SMAD9: variants seen among roughly 807,000 people sequenced by gnomAD.
SMAD9 encodes SMAD family member 9, also known as MAD homolog 9.
SMAD9 carries 36 observed loss-of-function variants against 46.1 expected under a neutral mutation model. That is an observed-to-expected ratio of 0.78 (90% CI 0.60 to 1.03). SMAD9 has a LOEUF of 1.03. Among genes scored for constraint, SMAD9 ranks in the 50% least tolerant of loss-of-function variants. SMAD9 has a pLI of 0.00. For synonymous variants in SMAD9, 245 were observed against 237.1 expected (o/e 1.03, Z -0.31); for missense variants, 572 against 599.8 (o/e 0.95, Z 0.48).
chr13:36,916,093 A>G (rs1205051544), intron 1 of SMAD9, among the ~76,000 whole-genome samples: 1 of 152,228 alleles, frequency 6.6e-6, no homozygotes, highest in African/African-American at 2.4e-5. Flanking sequence ...TTACACATCC[A>G]ACGTGAACAA....
chr13:36,888,632 A>G (rs2058466869), intron 1 of SMAD9, among the ~76,000 whole-genome samples: 1 of 152,176 alleles, frequency 6.6e-6, no homozygotes, highest in Non-Finnish European at 1.5e-5. Flanking sequence ...TATCACTGCA[A>G]TCAACTCCCA....
At chr13:36,884,003 G>A (rs939299611) in intron 1 of SMAD9, among the ~76,000 whole-genome samples, 21 of 152,234 alleles carry the variant, frequency 1.4e-4, no homozygotes, top group African/African-American at 5.1e-4. Flanking sequence ...CTCCATGGCT[G>A]TTGGCTGGAT....
chr13:36,906,966 C>A (rs543711811), intron 1 of SMAD9, among the ~76,000 whole-genome samples: 5 of 152,008 alleles, frequency 3.3e-5, no homozygotes, highest in African/African-American at 1.2e-4. Context: ...TTACAATAGC[C>A]AAAAAGTGAA....
chr13:36,895,281 C>G (rs1471054189), intron 1 of SMAD9, among the ~76,000 whole-genome samples: 2 of 152,092 alleles, frequency 1.3e-5, no homozygotes, highest in Non-Finnish European at 2.9e-5. Context: ...AGAGGAAACC[C>G]CTTAGTCTCT....
At chr13:36,917,004 A>G (rs1176206315) in intron 1 of SMAD9, among the ~76,000 whole-genome samples, 1 of 152,098 alleles carries the variant, frequency 6.6e-6, no homozygotes, top group Non-Finnish European at 1.5e-5. Context: ...ATAAGCCTGG[A>G]AAAGTGGTCT....
At chr13:36,877,045 A>G (rs1467664244) in intron 2 of SMAD9, among the ~76,000 whole-genome samples, 4 of 152,216 alleles carry the variant, frequency 2.6e-5, no homozygotes, top group Non-Finnish European at 5.9e-5. Context: ...TCACACTATC[A>G]TTCCTAAAAG....
rs140620962 is a variant in SMAD9 at position 36,913,908 on chromosome 13, T to C, written c.-187+6208A>G. ...ATTCTTGGCTTCTAATAATCACTTA[T>C]GTCATTAATAATAATCACCCATATC... On this transcript the variant is annotated intron_variant, in intron 1 of 6. Coordinates refer to ENST00000379826, the MANE Select transcript of SMAD9 (RefSeq NM_001127217.3). Among the ~76,000 whole-genome samples, 18 of 152,366 alleles carry C rather than the reference T, an allele frequency of 1.2e-4. No individual in the cohort carries two copies. In the East Asian group the frequency reaches 2.9e-3, roughly 24 times the overall value.
At chr13:36,879,007 G>C (rs1436789950) in intron 2 of SMAD9, among the ~76,000 whole-genome samples, 1 of 152,130 alleles carries the variant, frequency 6.6e-6, no homozygotes, top group African/African-American at 2.4e-5. Context: ...GGCTATAACA[G>C]GGTTTTACTG....
intron 4 of SMAD9, 94 bp downstream of exon 4, chr13:36,867,179 C>T (rs2138393643): frequency 4.8e-6 from 4 of 833,136 alleles, no homozygotes; most frequent in East Asian, 5.3e-5. Context: ...CAGGCCAGTA[C>T]ATTTCTGGTT....
At chr13:36,887,546 G>A (rs1017462578) in intron 1 of SMAD9, among the ~76,000 whole-genome samples, 1 of 151,958 alleles carries the variant, frequency 6.6e-6, no homozygotes, top group Non-Finnish European at 1.5e-5. Flanking sequence ...TTAAGTGATC[G>A]TCCTAGCTGC....
At chr13:36,853,223 T>G (rs2058089437) in intron 6 of SMAD9, among the ~76,000 whole-genome samples, 196 bp downstream of exon 6, 1 of 152,144 alleles carries the variant, frequency 6.6e-6, no homozygotes, top group Non-Finnish European at 1.5e-5. Context: ...AGGCAGAGGT[T>G]GCAGTGAGCC....
intron 5 of SMAD9, among the ~76,000 whole-genome samples, chr13:36,863,322 T>A (rs2058201389): frequency 6.6e-6 from 1 of 152,138 alleles, no homozygotes. Flanking sequence ...CACATTGGAG[T>A]AATTTCTAAG....
chr13:36,909,731 GTAA>G (rs1443558759), intron 1 of SMAD9, among the ~76,000 whole-genome samples: 1 of 152,156 alleles, frequency 6.6e-6, no homozygotes, highest in Non-Finnish European at 1.5e-5. Flanking sequence ...TTCCTCCTCT[GTAA>G]AATGGAAACA....
At position 36,853,358 on chromosome 13, in the gene SMAD9, G is replaced by C. The variant is rs2058090702; in HGVS notation, c.1260+61C>G. 1.9e-6 allele frequency: 3 copies of C among 1,546,490 alleles called. No homozygotes were observed. The South Asian group carries it at 3.4e-5, about 17-fold the overall frequency. ...CACAACTGCCTGCCACATCAGTCAGGGTGCTTTTTTGTTTTGTTTTTCACT... is the reference window on the plus strand; with the variant it reads ...CACAACTGCCTGCCACATCAGTCAGCGTGCTTTTTTGTTTTGTTTTTCACT... On this transcript the variant is annotated intron_variant, in intron 6 of 6. Coordinates refer to ENST00000379826, the MANE Select transcript of SMAD9 (RefSeq NM_001127217.3).
chr13:36,880,674 C>T (rs1051892169), intron 1 of SMAD9, among the ~76,000 whole-genome samples: 2 of 152,098 alleles, frequency 1.3e-5, no homozygotes, highest in Admixed American at 6.6e-5. Flanking sequence ...GAACTAACTT[C>T]GCTTCACATA....
rs1275872071 is a variant in SMAD9, at chr13:36,872,831, T to C, written c.497A>G (p.His166Arg). ...LLAKFRSASL[H>R]SEPLMPHNAT... is the part of the protein sequence containing the mutation. ...GTTGTGTGGCATGAGTGGCTCACTGTGCAGGGAGGCGCTGCGGAACTTGGC... is the reference window on the plus strand; with the variant it reads ...GTTGTGTGGCATGAGTGGCTCACTGCGCAGGGAGGCGCTGCGGAACTTGGC... Residue 166 changes from histidine (H) to arginine (R), a missense_variant, in exon 3 of 7, where the codon CAC becomes CGC. By Grantham distance (29) the His-to-Arg change is conservative. Transcript: ENST00000379826. 4.3e-6 allele frequency: 7 copies of C among 1,614,104 alleles called. No homozygotes were observed. Among genetic ancestry groups the C allele is most frequent in the African/African-American group, 1.3e-5 (1 of 75,028 alleles).
intron 1 of SMAD9, among the ~76,000 whole-genome samples, chr13:36,901,724 G>A (rs935149137): frequency 3.9e-5 from 6 of 152,124 alleles, no homozygotes; most frequent in African/African-American, 2.4e-5. Context: ...CACTGTGCCC[G>A]GTCCACTGTG....
chr13:36,916,270 C>G (rs969564924), intron 1 of SMAD9, among the ~76,000 whole-genome samples: 1 of 152,054 alleles, frequency 6.6e-6, no homozygotes, highest in Admixed American at 6.5e-5. Context: ...TTGTGGTAGC[C>G]GTATCACATT....
At chr13:36,851,562 G>A (rs1461443930) in intron 6 of SMAD9, 1 of 163,714 alleles carries the variant, frequency 6.1e-6, no homozygotes, top group African/African-American at 2.4e-5. Flanking sequence ...AGATCTGTGA[G>A]TAAACATTGG....
Sources: gnomAD v4.1 joint callset for allele counts (sites outside exome capture counted in the v4.1 genomes callset) on GRCh38, gnomAD v4.1.1 for gene constraint, MANE v1.5 for transcripts, NCBI Gene and HGNC (gene_info 2026-07-23, HGNC 2026-07-21) for gene names.